Variants in PIK3CB observed in about 807,000 individuals in gnomAD.
PIK3CB encodes phosphatidylinositol 4,5-bisphosphate 3-kinase catalytic subunit beta isoform.
Under a neutral mutation model 136.8 loss-of-function variants are expected in PIK3CB, and 39 were observed. The observed-to-expected ratio is 0.29, with a 90% confidence interval of 0.22 to 0.37. The LOEUF is 0.37. Ranked by LOEUF, PIK3CB falls within the 10% of genes least tolerant of loss-of-function variation. The pLI is 1.00. For missense variants in PIK3CB, 868 were observed against 1,275.4 expected (o/e 0.68, Z 4.87); for synonymous variants, 428 against 436.6 (o/e 0.98, Z 0.25).
chr3:138,745,916 T>A (rs548574427), intron 4 of PIK3CB, among the ~76,000 whole-genome samples: 1 of 152,242 alleles, frequency 6.6e-6, no homozygotes, highest in African/African-American at 2.4e-5. Context: ...TTGTGGCATT[T>A]TTTTTCTCCA....
At chr3:138,736,763 C>T (rs1303868740) in intron 6 of PIK3CB, among the ~76,000 whole-genome samples, 1 of 152,058 alleles carries the variant, frequency 6.6e-6, no homozygotes, top group Non-Finnish European at 1.5e-5. Context: ...AATAAATACC[C>T]GAATGATTAA....
chr3:138,693,555 C>T (rs535136992), intron 14 of PIK3CB, among the ~76,000 whole-genome samples: 4 of 151,896 alleles, frequency 2.6e-5, no homozygotes, highest in East Asian at 1.9e-4. Context: ...CCGGCCACCA[C>T]GCCTGGCTAA....
In PIK3CB at chr3:138,800,681, G is replaced by C. The variant is rs149847709; in HGVS notation, c.-121-4114C>G. Among the ~76,000 whole-genome samples the C allele has an allele frequency of 2.7e-3, 416 of 152,276 alleles. 1 individual carries two copies. Among genetic ancestry groups the C allele is most frequent in the African/African-American group, 9.1e-3 (380 of 41,560 alleles). On this transcript the variant is annotated intron_variant, in intron 1 of 23. Coordinates refer to ENST00000674063, the MANE Select transcript of PIK3CB (RefSeq NM_006219.3). ...ACTCTGTCACCCATGCTGGAGTGCA[G>C]TGGTGTGATCTTGGCTCACTGCAAC...
chr3:138,724,653 CAA>C (rs1269416277), intron 8 of PIK3CB, among the ~76,000 whole-genome samples: 1 of 152,082 alleles, frequency 6.6e-6, no homozygotes, highest in Non-Finnish European at 1.5e-5. Context: ...TGTCAGCATA[CAA>C]AAAGACACTT....
chr3:138,809,265 G>A lies in PIK3CB; in HGVS notation c.-121-12698C>T, dbSNP rs187829921. 2.0e-5 allele frequency among the ~76,000 whole-genome samples: 3 copies of A among 149,180 alleles called. No individual in the cohort carries two copies. In the East Asian group the frequency reaches 6.1e-4, roughly 30 times the overall value. On this transcript the variant is annotated intron_variant, in intron 1 of 23. Coordinates refer to ENST00000674063, the MANE Select transcript of PIK3CB (RefSeq NM_006219.3). ...TGCACTCCAGCCTGGGAGACAGAGTGAGATTCTGTCTCAAAAAAAAACTTA... is the reference window on the plus strand; with the variant it reads ...TGCACTCCAGCCTGGGAGACAGAGTAAGATTCTGTCTCAAAAAAAAACTTA...
chr3:138,781,895 C>T (rs1005738639), intron 2 of PIK3CB, among the ~76,000 whole-genome samples: 2 of 152,200 alleles, frequency 1.3e-5, no homozygotes, highest in African/African-American at 4.8e-5. Flanking sequence ...GTACTCTAGC[C>T]TGGGTGAAAG....
chr3:138,823,259 AAAAT>A (rs1370008455), intron 1 of PIK3CB, among the ~76,000 whole-genome samples: 5 of 152,020 alleles, frequency 3.3e-5, no homozygotes, highest in African/African-American at 1.2e-4. Flanking sequence ...CATCCCTAAA[AAAAT>A]AAATAAATAA....
intron 1 of PIK3CB, among the ~76,000 whole-genome samples, chr3:138,828,758 G>C (rs1933897381): frequency 6.6e-6 from 1 of 151,676 alleles, no homozygotes; most frequent in Non-Finnish European, 1.5e-5. Context: ...AGCATAAGGA[G>C]ACCCCGCCTC....
At chr3:138,832,179 A>G (rs1934066301) in intron 1 of PIK3CB, among the ~76,000 whole-genome samples, 1 of 152,192 alleles carries the variant, frequency 6.6e-6, no homozygotes, top group Non-Finnish European at 1.5e-5. Flanking sequence ...TCACAAAGCA[A>G]GTTGAAGCAA....
At chr3:138,691,205 G>A in intron 14 of PIK3CB, 62 bp from the exon 15 acceptor site, 3 of 1,448,860 alleles carry the variant, frequency 2.1e-6, no homozygotes, top group Non-Finnish European at 2.9e-6. Flanking sequence ...AGATCCCTTG[G>A]TATCAAACTA....
chr3:138,747,652 T>C (rs1380446174), intron 4 of PIK3CB, among the ~76,000 whole-genome samples: 28 of 152,216 alleles, frequency 1.8e-4, no homozygotes, highest in Non-Finnish European at 3.8e-4. Context: ...TATAATAGAT[T>C]TATGTGTATT....
At chr3:138,738,011 C>T in intron 5 of PIK3CB, 125 bp from the exon 6 acceptor site, 1 of 470,610 alleles carries the variant, frequency 2.1e-6, no homozygotes, top group Non-Finnish European at 3.6e-6. Flanking sequence ...ACATCCTTAA[C>T]AAATTTTATA....
At chr3:138,763,417 A>T (rs1362564679) in intron 2 of PIK3CB, among the ~76,000 whole-genome samples, 1 of 152,108 alleles carries the variant, frequency 6.6e-6, no homozygotes, top group African/African-American at 2.4e-5. Flanking sequence ...GATTACAGGC[A>T]TGAGCCACCG....
In PIK3CB at chr3:138,810,692, A is replaced by G. The variant is rs1290097442; in HGVS notation, c.-121-14125T>C. Among the ~76,000 whole-genome samples the G allele has an allele frequency of 3.3e-5, 5 of 149,404 alleles. No individual in the cohort carries two copies. The East Asian group carries it at 1.0e-3, about 30-fold the overall frequency. On this transcript the variant is annotated intron_variant, in intron 1 of 23. Coordinates refer to ENST00000674063, the MANE Select transcript of PIK3CB (RefSeq NM_006219.3). ...CCAGCACTTTGGGAGGCCAAGGTGG[A>G]TGGATCACGAGGTCAGGAGATTGAG... is the stretch of plus-strand genomic sequence containing the variant.
intron 21 of PIK3CB, among the ~76,000 whole-genome samples, chr3:138,660,204 A>C (rs1163315423): frequency 2.6e-5 from 4 of 152,018 alleles, no homozygotes; most frequent in African/African-American, 9.7e-5. Context: ...TATTGCCGCC[A>C]CTCTATAAGG....
intron 8 of PIK3CB, 67 bp from the exon 9 acceptor site, chr3:138,714,786 T>C: frequency 7.8e-7 from 1 of 1,284,304 alleles, no homozygotes; most frequent in African/African-American, 1.5e-5. Flanking sequence ...CATCTCTTTT[T>C]GTTTGTTTGT....
chr3:138,662,622 T>C (rs2043320841), intron 21 of PIK3CB, among the ~76,000 whole-genome samples: 1 of 150,444 alleles, frequency 6.6e-6, no homozygotes, highest in South Asian at 2.2e-4. Context: ...TTTGGGTATA[T>C]ACCCAGTAAT....
intron 14 of PIK3CB, among the ~76,000 whole-genome samples, chr3:138,694,532 T>C (rs1187735481): frequency 6.6e-6 from 1 of 152,186 alleles, no homozygotes; most frequent in East Asian, 1.9e-4. Context: ...GACTATGTGC[T>C]GAGTTCTGAG....
intron 1 of PIK3CB, among the ~76,000 whole-genome samples, chr3:138,823,692 G>A (rs1465293043): frequency 1.3e-5 from 2 of 151,928 alleles, no homozygotes; most frequent in Non-Finnish European, 2.9e-5. Flanking sequence ...ACAGAGCGAG[G>A]CTCTGTCTCA....
Sources: allele counts gnomAD v4.1 joint callset (sites outside exome capture counted in the v4.1 genomes callset), GRCh38; gene constraint gnomAD v4.1.1; transcripts MANE v1.5; gene names NCBI Gene and HGNC (gene_info 2026-07-23, HGNC 2026-07-21).